Variants in NT5DC4 observed in about 807,000 individuals in gnomAD.
NT5DC4 encodes 5'-nucleotidase domain containing 4.
Under a neutral mutation model 26.6 loss-of-function variants are expected in NT5DC4, and 44 were observed. That is an observed-to-expected ratio of 1.65 (90% CI 1.30 to 2.13). The LOEUF (loss-of-function observed/expected upper bound fraction) is 2.13, where lower values mean the gene tolerates loss of function less well. Ranked by LOEUF, NT5DC4 falls within the 30% of genes most tolerant of loss-of-function variation. The pLI is 0.00. For synonymous variants in NT5DC4, 157 were observed against 86.7 expected (o/e 1.81, Z -4.51); for missense variants, 399 against 228.1 (o/e 1.75, Z -4.83).
rs1280086345 is a variant in NT5DC4, at chr2:112,722,767, A to G, written c.523A>G (p.Thr175Ala). The G allele has an allele frequency of 1.4e-6, 1 of 717,476 alleles. No individual in the cohort carries two copies. The highest frequency in any genetic ancestry group is 2.6e-6 in the Non-Finnish European group (1 of 385,080). The allele number at this position is 717,476 out of a possible 1,614,324, so 44.4% of individuals were successfully genotyped here. Reference sequence around the variant, plus strand: ...CTTCTTCTCTGGCTGCTCCCGTTACACTAAGTGCGTCTTGTGCCCTGCCCA... The same window carrying G: ...CTTCTTCTCTGGCTGCTCCCGTTACGCTAAGTGCGTCTTGTGCCCTGCCCA... ...VDFFSGCSRYTNCDTGYQHGN... is the reference protein window; with the variant it reads ...VDFFSGCSRYANCDTGYQHGN... The change falls in exon 6 of 17, where the codon ACT becomes GCT. Residue 175 changes from threonine to alanine, a missense_variant. Thr to Ala is a moderately conservative substitution (Grantham distance 58, BLOSUM62 0). Coordinates refer to ENST00000688554, the MANE Select transcript of NT5DC4 (RefSeq NM_001393655.1).
At chr2:112,720,419 C>G (rs1056254336), upstream of NT5DC4, among the ~76,000 whole-genome samples, 19 of 152,114 alleles carry the variant, frequency 1.2e-4, no homozygotes, top group African/African-American at 4.6e-4. Context: ...TCTGGATGAT[C>G]CAGGTCACCG....
chr2:112,722,574 C>T lies in NT5DC4; in HGVS notation c.454C>T (p.Leu152Phe), dbSNP rs1378871131. Residue 152 changes from leucine (L) to phenylalanine (F), a missense_variant, in exon 5 of 17, where the codon CTC becomes TTC. Transcript: ENST00000688554. Reference protein sequence around the residue: ...DLQCFYILNMLFNLPETYLYA... With the variant: ...DLQCFYILNMFFNLPETYLYA... Reference sequence around the variant, plus strand: ...GCAGTGTTTCTACATACTCAACATGCTCTTCAACCTGCCTGGTGGGTGGAG... The same window carrying T: ...GCAGTGTTTCTACATACTCAACATGTTCTTCAACCTGCCTGGTGGGTGGAG... 3 of 717,334 alleles carry T rather than the reference C, an allele frequency of 4.2e-6. No individual in the cohort carries two copies. The highest frequency in any genetic ancestry group is 7.8e-6 in the Non-Finnish European group (3 of 385,086). The allele number at this position is 717,334 out of a possible 1,614,324, so 44.4% of individuals were successfully genotyped here.
At chr2:112,736,782 AG>A (rs1229003583) in intron 16 of NT5DC4, 1 of 152,190 alleles carries the variant, frequency 6.6e-6, no homozygotes, top group East Asian at 1.9e-4. Context: ...CTCTTTTCCA[AG>A]GATGAATACT....
chr2:112,720,136 G>A (rs1437400172), upstream of NT5DC4, among the ~76,000 whole-genome samples: 3 of 150,196 alleles, frequency 2.0e-5, no homozygotes, highest in African/African-American at 7.4e-5. Context: ...CAACCCCTGG[G>A]TTCAAGCAAT....
downstream of NT5DC4, among the ~76,000 whole-genome samples, chr2:112,739,816 G>A (rs527579579): frequency 1.1e-4 from 16 of 152,212 alleles, no homozygotes; most frequent in South Asian, 2.1e-4. Context: ...CAGCATGCCT[G>A]GCTAATTTTT....
Position 112,723,098 on chromosome 2 carries a change from A to G in NT5DC4, c.545A>G (p.Gln182Arg), listed in dbSNP as rs778584333. ...SRYTNCDTGY[Q>R]HGNLFMSFRS... ...TGCCCCAGTTGTGACACCGGCTATC[A>G]GCATGGGAACCTCTTCATGTCCTTC... Residue 182 changes from glutamine to arginine, a missense_variant, in exon 7 of 17, where the codon CAG (glutamine) becomes CGG (arginine). By Grantham distance (43) the Gln-to-Arg change is conservative (BLOSUM62 1). Coordinates refer to ENST00000688554, the MANE Select transcript of NT5DC4 (RefSeq NM_001393655.1). The G allele has an allele frequency of 1.4e-6, 1 of 716,560 alleles. No homozygotes were observed. Among genetic ancestry groups the G allele is most frequent in the South Asian group, 1.5e-5 (1 of 67,514 alleles). 44.4% of individuals were successfully genotyped at this position (716,560 alleles called of 1,614,324 possible). A position where few individuals can be genotyped will look rare whatever the true frequency, so the allele number is the denominator to read the frequency against.
intron 16 of NT5DC4, among the ~76,000 whole-genome samples, chr2:112,734,169 A>ATATATGTGTGTGTGTGTGTGTGTG (rs150412692): frequency 5.2e-5 from 7 of 134,786 alleles, no homozygotes; most frequent in Non-Finnish European, 7.8e-5. Context: ...TATTATATAT[A>ATATATGTGTGTGTGTGTGTGTGTG]TGTGTGTGTG....
In NT5DC4 at chr2:112,725,661, A is replaced by G. The variant is rs374226253; in HGVS notation, c.1153+109A>G. The stretch of plus-strand genomic sequence containing the variant: ...GGGGGGTTAGTAGTTGTGACCAGGA[A>G]TCCTGGCCACTCTGTTGTTTCTGAG... On this transcript the variant is annotated intron_variant, in intron 13 of 16. Transcript: ENST00000688554. 1.1e-4 allele frequency: 62 copies of G among 565,788 alleles called. 2 individuals are homozygous for G. The highest frequency in any genetic ancestry group is 5.7e-4 in the Admixed American group (19 of 33,400). 35.0% of individuals were successfully genotyped at this position (565,788 alleles called of 1,614,324 possible).
intron 16 of NT5DC4, chr2:112,731,329 C>T (rs1017831640): frequency 3.9e-5 from 6 of 152,032 alleles, no homozygotes; most frequent in South Asian, 2.1e-4. Context: ...GTCTTTGAGA[C>T]GTTTGGAAAC....
chr2:112,742,427 A>T (rs1450758785), downstream of NT5DC4: 1 of 717,630 alleles, frequency 1.4e-6, no homozygotes, highest in African/African-American at 1.7e-5. Context: ...TCCAGCAAAG[A>T]GCTGTTTGTC....
chr2:112,724,358 T>C, intron 10 of NT5DC4: 1 of 598,044 alleles, frequency 1.7e-6, no homozygotes, highest in Non-Finnish European at 3.0e-6. Context: ...CAGTCAGGTA[T>C]GTGGGGACGG....
chr2:112,719,928 T>TTCTTTCTTTC (rs1558714810), upstream of NT5DC4, among the ~76,000 whole-genome samples: 103 of 21,122 alleles, frequency 4.9e-3, 1 homozygote, highest in Middle Eastern at 0.019. Flanking sequence ...TTCTTTCTCT[T>TTCTTTCTTTC]TCTTTCTTTC....
At chr2:112,732,176 G>A (rs1358728432) in intron 16 of NT5DC4, among the ~76,000 whole-genome samples, 1 of 151,864 alleles carries the variant, frequency 6.6e-6, no homozygotes, top group Non-Finnish European at 1.5e-5. Flanking sequence ...CTCTTAACGT[G>A]TAGGGATTAC....
At chr2:112,739,100 CTTTATT>C, downstream of NT5DC4, 6 of 1,359,882 alleles carry the variant, frequency 4.4e-6, no homozygotes, top group Non-Finnish European at 6.2e-6. Flanking sequence ...AAAAAATTAT[CTTTATT>C]ATTTTTTGTT....
chr2:112,737,127 A>T (rs1679315180), intron 16 of NT5DC4: 1 of 152,104 alleles, frequency 6.6e-6, no homozygotes, highest in Non-Finnish European at 1.5e-5. Flanking sequence ...GGGTTTCACC[A>T]TGTTGGTCAA....
In NT5DC4 at chr2:112,728,057, C is replaced by T. The variant is rs144609376; in HGVS notation, c.1266+1319C>T. 3.5e-3 allele frequency among the ~76,000 whole-genome samples: 532 copies of T among 152,366 alleles called. 3 individuals are homozygous for T. The highest frequency in any genetic ancestry group is 0.01 in the Middle Eastern group (3 of 294). ...CACTGGTCCCCAGCCTTGCTAGGAG[C>T]TTGCAAGGTCACCAGCCCTAATCTC... On this transcript the variant is annotated intron_variant, in intron 15 of 16. Transcript: ENST00000688554.
chr2:112,734,169 ATGTGTGTG>A (rs59851361), intron 16 of NT5DC4, among the ~76,000 whole-genome samples: 9 of 134,864 alleles, frequency 6.7e-5, no homozygotes, highest in East Asian at 4.4e-4. Flanking sequence ...TATTATATAT[ATGTGTGTG>A]TGTGTGTGTG....
At chr2:112,724,039 C>T in intron 9 of NT5DC4, 55 bp from the exon 10 acceptor site, 1 of 716,428 alleles carries the variant, frequency 1.4e-6, no homozygotes, top group Non-Finnish European at 2.6e-6. Context: ...TGGGTGAGGG[C>T]AGAGGCAGGT....
upstream of NT5DC4, among the ~76,000 whole-genome samples, chr2:112,719,924 C>CTTTCTTTCTTTCTTTCTCTT (rs758520099): frequency 1.0e-4 from 7 of 69,154 alleles, no homozygotes; most frequent in Non-Finnish European, 1.3e-4. Context: ...TTCTTTCTTT[C>CTTTCTTTCTTTCTTTCTCTT]TCTTTCTTTC....
Sources: gnomAD v4.1 joint callset for allele counts (sites outside exome capture counted in the v4.1 genomes callset) on GRCh38, gnomAD v4.1.1 for gene constraint, MANE v1.5 for transcripts, NCBI Gene and HGNC (gene_info 2026-07-23, HGNC 2026-07-21) for gene names.